The following KIR2DL3 variants were observed in gnomAD, a reference collection of about 807,000 sequenced individuals.
KIR2DL3 encodes the protein killer cell immunoglobulin-like receptor 2DL3.
A neutral mutation model predicts 33.8 loss-of-function variants in KIR2DL3; 39 were observed. The ratio of observed to expected loss-of-function variants is 1.15; its 90% CI spans 0.89 to 1.51. The LOEUF is 1.51. Among genes scored for constraint, KIR2DL3 ranks in the 40% most tolerant of loss-of-function variants. The pLI is 0.00. For synonymous variants in KIR2DL3, 174 were observed against 160.2 expected (o/e 1.09, Z -0.65); for missense variants, 462 against 426.2 (o/e 1.08, Z -0.74).
At chr19:54,744,713 GA>G in intron 4 of KIR2DL3, among the ~76,000 whole-genome samples, 1 of 150,240 alleles carries the variant, frequency 6.7e-6, no homozygotes, top group Admixed American at 6.7e-5. Context: ...TTTTAGTAGA[GA>G]GGGGGTTTCA....
intron 4 of KIR2DL3, among the ~76,000 whole-genome samples, chr19:54,744,954 A>ATATATATTTT (rs1398407460): frequency 6.4e-5 from 2 of 31,276 alleles, no homozygotes; most frequent in Non-Finnish European, 1.2e-4. Flanking sequence ...ATATATATAT[A>ATATATATTTT]TTTTTTTTTT....
chr19:54,749,309 G>T lies in KIR2DL3; in HGVS notation c.715+1924G>T, dbSNP rs1392445813. ...ATTAATATGACTGACATGAAAATAA[G>T]GGAGGCTCAGTTGCATAACTGGAAT... is the stretch of plus-strand genomic sequence containing the variant. On this transcript the variant is annotated intron_variant, in intron 5 of 7. Transcript: ENST00000342376. 4.3e-5 allele frequency among the ~76,000 whole-genome samples: 6 copies of T among 138,512 alleles called. No individual in the cohort carries two copies. In the South Asian group the frequency reaches 1.5e-3, roughly 34 times the overall value. The allele number at this position is 138,512 out of a possible 152,430, so 90.9% of individuals were successfully genotyped here.
At chr19:54,750,578 A>C (rs1374583704) in intron 5 of KIR2DL3, among the ~76,000 whole-genome samples, 1 of 136,016 alleles carries the variant, frequency 7.4e-6, no homozygotes, top group East Asian at 2.0e-4. Context: ...CTGTGGATGT[A>C]GAAATCCTAA....
chr19:54,738,618 A>T (rs199707006), intron 1 of KIR2DL3, 39 bp downstream of exon 1: 4 of 1,613,480 alleles, frequency 2.5e-6, no homozygotes, highest in Non-Finnish European at 3.4e-6. Context: ...GAGTGCGGGG[A>T]TGGAGATCGG....
chr19:54,743,510 A>T (rs2147062673), intron 3 of KIR2DL3, among the ~76,000 whole-genome samples: 1 of 152,112 alleles, frequency 6.6e-6, no homozygotes, highest in East Asian at 1.9e-4. Flanking sequence ...AGAAACTTAG[A>T]ATTTAAAAAA....
At chr19:54,747,204 A>G in intron 4 of KIR2DL3, 131 bp from the exon 5 acceptor site, 1 of 1,106,472 alleles carries the variant, frequency 9.0e-7, no homozygotes, top group East Asian at 2.3e-5. Flanking sequence ...ATTACGGAAA[A>G]AAGGATCCCA....
At chr19:54,743,483 G>A (rs2071584878) in intron 3 of KIR2DL3, among the ~76,000 whole-genome samples, 2 of 152,240 alleles carry the variant, frequency 1.3e-5, no homozygotes, top group South Asian at 4.1e-4. Context: ...AGAAAGTTAT[G>A]AACAGGACAC....
At chr19:54,746,493 C>T (rs1232451844) in intron 4 of KIR2DL3, among the ~76,000 whole-genome samples, 1 of 148,060 alleles carries the variant, frequency 6.8e-6, no homozygotes, top group Non-Finnish European at 1.5e-5. Context: ...AGCATTTCCC[C>T]AATATTTTCT....
intron 3 of KIR2DL3, 127 bp from the exon 4 acceptor site, chr19:54,743,668 G>T: frequency 1.0e-6 from 1 of 972,048 alleles, no homozygotes. Flanking sequence ...GAGAGATGGG[G>T]TGGAGGGTGA....
chr19:54,746,354 T>A (rs1235172661), intron 4 of KIR2DL3, among the ~76,000 whole-genome samples: 2 of 138,888 alleles, frequency 1.4e-5, no homozygotes, highest in Non-Finnish European at 3.2e-5. Flanking sequence ...GTCTCTTCAC[T>A]TTGTTGGTTT....
rs188403224 is a variant in KIR2DL3 at position 54,740,779 on chromosome 19, T to C, written c.71-1201T>C. On this transcript the variant is annotated intron_variant, in intron 2 of 7. Transcript: ENST00000342376. The stretch of plus-strand genomic sequence containing the variant: ...CTATTTATGTTATAGGGGAAGGGAC[T>C]GAAGGGGAAGATGGAGCTCATGGGG... Among the ~76,000 whole-genome samples the C allele has an allele frequency of 4.7e-3, 710 of 152,156 alleles. 1 individual carries two copies. Among genetic ancestry groups the C allele is most frequent in the Non-Finnish European group, 7.0e-3 (478 of 68,000 alleles).
At chr19:54,750,727 A>G (rs1399704029) in intron 5 of KIR2DL3, among the ~76,000 whole-genome samples, 2 of 139,224 alleles carry the variant, frequency 1.4e-5, no homozygotes, top group African/African-American at 5.4e-5. Flanking sequence ...AGAATACATT[A>G]CACAGGCAGG....
intron 2 of KIR2DL3, 143 bp from the exon 3 acceptor site, chr19:54,741,837 G>T: frequency 8.1e-7 from 1 of 1,231,002 alleles, no homozygotes; most frequent in Non-Finnish European, 1.1e-6. Context: ...TGCACCAGGA[G>T]TTAAGGGCAC....
At chr19:54,745,049 T>A (rs1287533451) in intron 4 of KIR2DL3, among the ~76,000 whole-genome samples, 1 of 148,814 alleles carries the variant, frequency 6.7e-6, no homozygotes, top group Non-Finnish European at 1.5e-5. Flanking sequence ...ATCCACCTTT[T>A]AGCTCTGTAT....
At chr19:54,747,097 C>T (rs1185927634) in intron 4 of KIR2DL3, among the ~76,000 whole-genome samples, 2 of 144,298 alleles carry the variant, frequency 1.4e-5, no homozygotes, top group East Asian at 3.9e-4. Flanking sequence ...GTTTTGCTTA[C>T]TACAGCTCTG....
chr19:54,749,314 G>T (rs1276345419), intron 5 of KIR2DL3, among the ~76,000 whole-genome samples: 1 of 148,114 alleles, frequency 6.8e-6, no homozygotes, highest in African/African-American at 2.5e-5. Context: ...AATAAGGGAG[G>T]CTCAGTTGCA....
chr19:54,744,884 A>G lies in KIR2DL3; in HGVS notation c.664+796A>G, dbSNP rs11880145. Reference sequence around the variant, plus strand: ...CATAAATACATTTATATATATATATATATATATATATATACACACACACAC... The same window carrying G: ...CATAAATACATTTATATATATATATGTATATATATATATACACACACACAC... On this transcript the variant is annotated intron_variant, in intron 4 of 7. Transcript: ENST00000342376. Among the ~76,000 whole-genome samples, 525 of 94,240 alleles carry G rather than the reference A, an allele frequency of 5.6e-3. 4 individuals carry two copies. Among genetic ancestry groups the G allele is most frequent in the African/African-American group, 0.018 (494 of 26,758 alleles). 61.8% of individuals were successfully genotyped at this position (94,240 alleles called of 152,430 possible). A position where few individuals can be genotyped will look rare whatever the true frequency, so the allele number is the denominator to read the frequency against.
At chr19:54,747,595 C>T (rs34816809) in intron 5 of KIR2DL3, among the ~76,000 whole-genome samples, 27,590 of 147,456 alleles carry the variant, frequency 0.19, 2,714 homozygotes, top group Non-Finnish European at 0.26. Context: ...GGAGCTGAGA[C>T]CTCCTACAAG....
rs1319367051 is a variant in KIR2DL3 at position 54,743,962 on chromosome 19, A to T, written c.538A>T (p.Thr180Ser). 6 of 1,614,232 alleles carry T rather than the reference A, an allele frequency of 3.7e-6. No homozygotes were observed. The highest frequency in any genetic ancestry group is 5.1e-6 in the Non-Finnish European group (6 of 1,180,038). The change falls in exon 4 of 8, where the codon ACA (threonine) becomes TCA (serine). Residue 180 changes from threonine (T) to serine (S), a missense_variant. Coordinates refer to ENST00000342376, the MANE Select transcript of KIR2DL3 (RefSeq NM_015868.3). ...RFSAGPKVNG[T>S]FQADFPLGPA... ...CTCTGCAGGGCCCAAGGTCAACGGA[A>T]CATTCCAGGCCGACTTTCCTCTGGG...
Sources: allele counts gnomAD v4.1 joint callset (sites outside exome capture counted in the v4.1 genomes callset), GRCh38; gene constraint gnomAD v4.1.1; transcripts MANE v1.5; gene names NCBI Gene and HGNC (gene_info 2026-07-23, HGNC 2026-07-21).